Variants in PIP5K1A observed in about 807,000 individuals in gnomAD.
PIP5K1A encodes the protein phosphatidylinositol 4-phosphate 5-kinase type-1 alpha.
Under a neutral mutation model 72.9 loss-of-function variants are expected in PIP5K1A, and 46 were observed. The observed-to-expected ratio is 0.63, with a 90% confidence interval of 0.50 to 0.81. PIP5K1A has a LOEUF of 0.81. Among genes scored for constraint, PIP5K1A ranks in the 30% least tolerant of loss-of-function variants. The probability of loss-of-function intolerance (pLI) is 0.00; values close to 1 mark genes in which losing one functional copy is unlikely to be tolerated. For synonymous variants in PIP5K1A, 228 were observed against 255.1 expected (o/e 0.89, Z 1.01); for missense variants, 458 against 706.1 (o/e 0.65, Z 3.98).
chr1:151,224,596 T>C (rs945605475), intron 3 of PIP5K1A, among the ~76,000 whole-genome samples, 190 bp downstream of exon 3: 2 of 152,230 alleles, frequency 1.3e-5, no homozygotes, highest in African/African-American at 4.8e-5. Flanking sequence ...AATACTGTTA[T>C]CTGTTTTACA....
intron 4 of PIP5K1A, among the ~76,000 whole-genome samples, chr1:151,227,670 C>T (rs1432882896): frequency 6.6e-6 from 1 of 152,166 alleles, no homozygotes; most frequent in Non-Finnish European, 1.5e-5. Flanking sequence ...GCAGGCAGAT[C>T]ATTTTAGGCC....
chr1:151,245,883 G>T (rs190318613), intron 14 of PIP5K1A, among the ~76,000 whole-genome samples: 16 of 152,168 alleles, frequency 1.1e-4, no homozygotes, highest in African/African-American at 3.9e-4. Context: ...CTCAATTCCA[G>T]GTACAAAAGT....
rs191645578 is a variant in PIP5K1A, at chr1:151,206,050, C to T, written c.85+6969C>T. On this transcript the variant is annotated intron_variant, in intron 1 of 15. Coordinates refer to ENST00000368888, the MANE Select transcript of PIP5K1A (RefSeq NM_001135638.2). ...TTGCACCTCACTTCTCTGCCCTTTC[C>T]CATCTAAACAGAGAATTTAATTTCG... Among the ~76,000 whole-genome samples the T allele has an allele frequency of 1.5e-3, 223 of 152,218 alleles. 1 individual carries two copies. The highest frequency in any genetic ancestry group is 5.2e-3 in the African/African-American group (217 of 41,538).
intron 3 of PIP5K1A, 99 bp from the exon 4 acceptor site, chr1:151,227,221 G>C (rs1689282320): frequency 2.8e-6 from 2 of 717,574 alleles, no homozygotes; most frequent in Admixed American, 4.4e-5. Flanking sequence ...AATCTAGAAA[G>C]AATATGTTGT....
Position 151,215,051 on chromosome 1 carries a change from A to T in PIP5K1A, c.86-9194A>T, listed in dbSNP as rs1329262094. 1.5e-4 allele frequency among the ~76,000 whole-genome samples: 15 copies of T among 98,636 alleles called. No homozygotes were observed. In the East Asian group the frequency reaches 2.5e-3, roughly 16 times the overall value. The allele number at this position is 98,636 out of a possible 152,430, so 64.7% of individuals were successfully genotyped here. A position where few individuals can be genotyped will look rare whatever the true frequency, so the allele number is the denominator to read the frequency against. On this transcript the variant is annotated intron_variant, in intron 1 of 15. Transcript: ENST00000368888. ...CTTTTTTTTTTTTTTTTTTTTTGAGATGGAGTTTTGCTCTCGTTGCCCAGG... is the reference window on the plus strand; with the variant it reads ...CTTTTTTTTTTTTTTTTTTTTTGAGTTGGAGTTTTGCTCTCGTTGCCCAGG...
chr1:151,204,925 C>G (rs1305589930), intron 1 of PIP5K1A, among the ~76,000 whole-genome samples: 1 of 152,112 alleles, frequency 6.6e-6, no homozygotes, highest in Non-Finnish European at 1.5e-5. Flanking sequence ...CAAAATAGTA[C>G]GTTTTGCTTA....
Position 151,199,003 on chromosome 1 carries a change from T to C in PIP5K1A, c.7T>C (p.Ser3Pro). ...GGGGGAGGGGGCTGCTAAGATGGCG[T>C]CGGCCTCCTCCGGGCCGTCGTCTTC... MA[S>P]ASSGPSSSVG... The change falls in exon 1 of 16, where the codon TCG (serine) becomes CCG (proline). Residue 3 changes from serine to proline, a missense_variant. Physicochemically the swap from Ser to Pro is moderately conservative, Grantham distance 74. Around this residue, in one of 3 missense-constraint regions of PIP5K1A, gnomAD observed 81 missense variants for 88.0 expected, o/e 0.92. Transcript: ENST00000368888. 6.2e-7 allele frequency: 1 copy of C among 1,613,982 alleles called. No individual in the cohort carries two copies. The highest frequency in any genetic ancestry group is 8.5e-7 in the Non-Finnish European group (1 of 1,179,884).
At chr1:151,195,884 A>ATTTTT (rs1157195462), upstream of PIP5K1A, among the ~76,000 whole-genome samples, 19,719 of 62,034 alleles carry the variant, frequency 0.32, 8,090 homozygotes, top group Non-Finnish European at 0.36. Context: ...ACACCAGCCG[A>ATTTTT]TTTTTTTTTT....
chr1:151,199,155 T>A (rs1354223535), intron 1 of PIP5K1A, 74 bp downstream of exon 1: 1 of 1,607,926 alleles, frequency 6.2e-7, no homozygotes, highest in East Asian at 2.2e-5. Context: ...CCTAAGAGGG[T>A]ACCTGTAGCT....
chr1:151,228,575 G>A (rs1189549476), intron 4 of PIP5K1A, among the ~76,000 whole-genome samples: 1 of 152,112 alleles, frequency 6.6e-6, no homozygotes, highest in East Asian at 1.9e-4. Flanking sequence ...AAATTGGGCT[G>A]GTGAAGGGAA....
intron 1 of PIP5K1A, 194 bp from the exon 2 acceptor site, chr1:151,224,051 A>G: frequency 1.7e-6 from 1 of 603,514 alleles, no homozygotes; most frequent in Non-Finnish European, 3.0e-6. Context: ...TGGAATATGC[A>G]CGAGGCCTAT....
rs374826915 is a variant in PIP5K1A, at chr1:151,238,275, A to C, written c.1229+10A>C. 2.3e-5 allele frequency: 35 copies of C among 1,542,946 alleles called. No individual in the cohort carries two copies. In the African/African-American group the frequency reaches 4.6e-4, roughly 20 times the overall value. ...TTCTACAGTCTTACAGGTGAGGAGC[A>C]TATGGATCCCAAATTAAGAGAGGGT... is the stretch of plus-strand genomic sequence containing the variant. On this transcript the variant is annotated intron_variant, in intron 10 of 15. Transcript: ENST00000368888.
chr1:151,233,674 A>G (rs1430432833), intron 7 of PIP5K1A: 1 of 152,998 alleles, frequency 6.5e-6, no homozygotes, highest in Non-Finnish European at 1.5e-5. Context: ...TCCTGAGCTC[A>G]AGTGATCCTC....
At chr1:151,230,587 G>A (rs1190151537) in intron 4 of PIP5K1A, among the ~76,000 whole-genome samples, 2 of 152,150 alleles carry the variant, frequency 1.3e-5, no homozygotes, top group African/African-American at 2.4e-5. Context: ...TGTTACCCAG[G>A]CTGGAATGCA....
intron 4 of PIP5K1A, among the ~76,000 whole-genome samples, chr1:151,231,051 T>TAA (rs1192633041): frequency 6.6e-6 from 1 of 151,820 alleles, no homozygotes; most frequent in African/African-American, 2.4e-5. Context: ...ACTAAAAATA[T>TAA]AAAGAATAAG....
At chr1:151,197,706 C>T (rs996486043), upstream of PIP5K1A, among the ~76,000 whole-genome samples, 3 of 152,190 alleles carry the variant, frequency 2.0e-5, 1 homozygote, top group South Asian at 4.1e-4. Context: ...TATGGAGCCC[C>T]TACTATGTAC....
chr1:151,239,346 C>T (rs192426939), intron 11 of PIP5K1A, among the ~76,000 whole-genome samples, 168 bp downstream of exon 11: 107 of 151,264 alleles, frequency 7.1e-4, no homozygotes, highest in Non-Finnish European at 1.2e-3. Context: ...GATCTCGGCT[C>T]GCTGCAACCT....
At chr1:151,201,818 C>T (rs1416118454) in intron 1 of PIP5K1A, among the ~76,000 whole-genome samples, 3 of 151,858 alleles carry the variant, frequency 2.0e-5, no homozygotes, top group African/African-American at 7.3e-5. Context: ...GCCGAGATCA[C>T]ACCACTGCAC....
intron 1 of PIP5K1A, among the ~76,000 whole-genome samples, chr1:151,221,055 A>G (rs1207425550): frequency 6.6e-6 from 1 of 152,072 alleles, no homozygotes; most frequent in Non-Finnish European, 1.5e-5. Context: ...TTTTTTTCTA[A>G]TCAACACCCA....
Sources: gnomAD v4.1 joint callset for allele counts (sites outside exome capture counted in the v4.1 genomes callset) on GRCh38, gnomAD v4.1.1 for gene constraint, gnomAD v4.1.1 regional missense constraint, MANE v1.5 for transcripts, NCBI Gene and HGNC (gene_info 2026-07-23, HGNC 2026-07-21) for gene names.